SLC12A1: variants seen among roughly 807,000 people sequenced by gnomAD.
SLC12A1 encodes the protein solute carrier family 12 member 1.
In SLC12A1, 89 loss-of-function variants were observed where a neutral mutation model predicts 130.4. The ratio of observed to expected loss-of-function variants is 0.68; its 90% CI spans 0.58 to 0.81. SLC12A1 has a LOEUF of 0.81. SLC12A1 is among the 40% of genes least tolerant of loss of function. The pLI is 0.00. For synonymous variants in SLC12A1, 499 were observed against 460.0 expected, an observed-to-expected ratio of 1.08 and a Z score of -1.09; for missense variants, 1,310 against 1,336.4, an observed-to-expected ratio of 0.98 and a Z score of 0.31.
chr15:48,290,993 C>T (rs943743801), intron 23 of SLC12A1, among the ~76,000 whole-genome samples: 4 of 151,910 alleles, frequency 2.6e-5, no homozygotes, highest in African/African-American at 7.2e-5. Flanking sequence ...CTTGTTCTTA[C>T]GAACTGCTCA....
chr15:48,209,114 T>G (rs1376738383), intron 2 of SLC12A1, among the ~76,000 whole-genome samples: 2 of 152,170 alleles, frequency 1.3e-5, no homozygotes, highest in Non-Finnish European at 2.9e-5. Flanking sequence ...CGGGCTGGAG[T>G]GCAATGGTGC....
intron 4 of SLC12A1, chr15:48,224,677 C>G (rs1452042235): frequency 6.6e-6 from 1 of 152,120 alleles, no homozygotes; most frequent in African/African-American, 2.4e-5. Flanking sequence ...ACATCACTTT[C>G]TGGTAGAGAG....
chr15:48,226,769 C>A, intron 5 of SLC12A1, 198 bp downstream of exon 5: 1 of 615,190 alleles, frequency 1.6e-6, no homozygotes, highest in Admixed American at 3.2e-5. Flanking sequence ...TCTAATGGAT[C>A]TCTCTGGCAC....
intron 19 of SLC12A1, among the ~76,000 whole-genome samples, chr15:48,271,574 A>G (rs1374361752): frequency 6.6e-6 from 1 of 152,228 alleles, no homozygotes; most frequent in Non-Finnish European, 1.5e-5. Flanking sequence ...GAAAGGAAGC[A>G]TAAGAAAATA....
intron 17 of SLC12A1, among the ~76,000 whole-genome samples, chr15:48,262,989 G>A (rs2041792499): frequency 6.6e-6 from 1 of 152,140 alleles, no homozygotes; most frequent in Non-Finnish European, 1.5e-5. Flanking sequence ...TAGATGCAGA[G>A]ATATCCAAAC....
chr15:48,227,054 A>G, intron 5 of SLC12A1: 1 of 1,519,076 alleles, frequency 6.6e-7, no homozygotes, highest in South Asian at 1.2e-5. Flanking sequence ...CTGGAACCAA[A>G]CACCTTTCTT....
chr15:48,263,754 G>A (rs529273967), intron 17 of SLC12A1, among the ~76,000 whole-genome samples: 103 of 152,096 alleles, frequency 6.8e-4, no homozygotes, highest in African/African-American at 2.2e-3. Flanking sequence ...GTACAATGGC[G>A]CAATCATAGC....
intron 7 of SLC12A1, 109 bp from the exon 8 acceptor site, chr15:48,232,618 C>T (rs1350520656): frequency 1.3e-6 from 1 of 755,996 alleles, no homozygotes; most frequent in African/African-American, 1.7e-5. Context: ...AGAGACTTAA[C>T]TGAAATATCA....
At chr15:48,215,422 A>G (rs72623971) in intron 2 of SLC12A1, among the ~76,000 whole-genome samples, 15,392 of 152,222 alleles carry the variant, frequency 0.1, 2,138 homozygotes, top group East Asian at 0.4. Flanking sequence ...ATCATTCCCT[A>G]AAGCTACATA....
At chr15:48,293,082 A>AT (rs1436296689) in intron 24 of SLC12A1, among the ~76,000 whole-genome samples, 1 of 151,592 alleles carries the variant, frequency 6.6e-6, no homozygotes, top group Non-Finnish European at 1.5e-5. Context: ...CACCTGGCTA[A>AT]TTTTTTGGTA....
At chr15:48,296,917 A>G (rs1460659394) in intron 24 of SLC12A1, among the ~76,000 whole-genome samples, 1 of 152,176 alleles carries the variant, frequency 6.6e-6, no homozygotes, top group African/African-American at 2.4e-5. Context: ...TGCAAAGACA[A>G]AACTGGGCAA....
intron 2 of SLC12A1, among the ~76,000 whole-genome samples, chr15:48,218,445 A>C (rs2041154503): frequency 6.6e-6 from 1 of 152,148 alleles, no homozygotes; most frequent in African/African-American, 2.4e-5. Context: ...AGTCAAAGTC[A>C]CTTGGAGTAT....
chr15:48,216,677 T>G (rs1025310366), intron 2 of SLC12A1, among the ~76,000 whole-genome samples: 7 of 152,204 alleles, frequency 4.6e-5, no homozygotes, highest in African/African-American at 1.7e-4. Context: ...TTTTAAAGTT[T>G]TTCTCAAATC....
In SLC12A1 at chr15:48,251,602, A is replaced by G. The variant is rs202157638; in HGVS notation, c.1787-13A>G. The stretch of plus-strand genomic sequence containing the variant: ...TAGAGTGGAAGTTTTCCTTCTGCAT[A>G]TTTTGTTTTCAGGATGGAGACCTGC... On this transcript the variant is annotated splice_polypyrimidine_tract_variant and intron_variant, in intron 14 of 26. Transcript: ENST00000380993. 3.0e-5 allele frequency: 49 copies of G among 1,609,820 alleles called. No individual in the cohort carries two copies. The African/African-American group carries it at 5.7e-4, about 19-fold the overall frequency.
chr15:48,225,087 G>A (rs2041267110), intron 4 of SLC12A1: 1 of 152,174 alleles, frequency 6.6e-6, no homozygotes, highest in Admixed American at 6.5e-5. Context: ...CATTGAGTGT[G>A]TACTGTGTTC....
chr15:48,256,821 G>GCC (rs1555384112), intron 16 of SLC12A1, among the ~76,000 whole-genome samples: 3 of 32,920 alleles, frequency 9.1e-5, no homozygotes, highest in African/African-American at 2.3e-4. Context: ...TTCCATCCCT[G>GCC]GCCCCCCCCC....
At position 48,251,638 on chromosome 15, in the gene SLC12A1, T is replaced by A. The variant is rs765848363; in HGVS notation, c.1810T>A (p.Tyr604Asn). 6.2e-7 allele frequency: 1 copy of A among 1,613,914 alleles called. No individual in the cohort carries two copies. The highest frequency in any genetic ancestry group is 8.5e-7 in the Non-Finnish European group (1 of 1,179,786). Residue 604 changes from tyrosine (Y) to asparagine (N), a missense_variant, in exon 15 of 27, where the codon TAC becomes AAC. Coordinates refer to ENST00000380993, the MANE Select transcript of SLC12A1 (RefSeq NM_000338.3). ...SPGWRPAYGI[Y>N]NMWVSLFGAV... ...AGGATGGAGACCTGCGTATGGAATT[T>A]ACAACATGTGGGTATCTCTTTTTGG...
In SLC12A1 at chr15:48,220,741, G is replaced by C. The variant is rs761576255; in HGVS notation, c.528G>C (p.Lys176Asn). 32 of 1,613,844 alleles carry C rather than the reference G, an allele frequency of 2.0e-5. No homozygotes were observed. Among genetic ancestry groups the C allele is most frequent in the Non-Finnish European group, 2.6e-5 (31 of 1,179,890 alleles). ...NKEDDQAGVVKFGWVKGVLVR... is the reference protein window; with the variant it reads ...NKEDDQAGVVNFGWVKGVLVR... The stretch of plus-strand genomic sequence containing the variant: ...AAGATGATCAAGCTGGTGTTGTGAA[G>C]TTTGGATGGGTGAAAGGTGTGCTGG... Residue 176 changes from lysine (K) to asparagine (N), a missense_variant, in exon 3 of 27, where the codon AAG becomes AAC. Lys to Asn is a moderately conservative substitution (Grantham distance 94). Coordinates refer to ENST00000380993, the MANE Select transcript of SLC12A1 (RefSeq NM_000338.3).
At chr15:48,251,565 C>T (rs1049731282) in intron 14 of SLC12A1, 50 bp from the exon 15 acceptor site, 8 of 1,442,430 alleles carry the variant, frequency 5.5e-6, no homozygotes, top group South Asian at 2.3e-5. Context: ...ATATTCAGTG[C>T]CATGATCATA....
Sources: allele counts gnomAD v4.1 joint callset (sites outside exome capture counted in the v4.1 genomes callset), GRCh38; gene constraint gnomAD v4.1.1; transcripts MANE v1.5; gene names NCBI Gene and HGNC (gene_info 2026-07-23, HGNC 2026-07-21).